Variants in FHIT observed in about 807,000 individuals in gnomAD.
FHIT encodes fragile histidine triad diadenosine triphosphatase, also known as bis(5'-adenosyl)-triphosphatase.
Under a neutral mutation model 17.9 loss-of-function variants are expected in FHIT, and 19 were observed. The ratio of observed to expected loss-of-function variants is 1.06; its 90% CI spans 0.74 to 1.56. The LOEUF (loss-of-function observed/expected upper bound fraction) is 1.56, where lower values mean the gene tolerates loss of function less well. Among genes scored for constraint, FHIT ranks in the 40% most tolerant of loss-of-function variants. The probability of loss-of-function intolerance (pLI) is 0.00; values close to 1 mark genes in which losing one functional copy is unlikely to be tolerated. For synonymous variants in FHIT, 81 were observed against 69.7 expected (o/e 1.16, Z -0.81); for missense variants, 248 against 189.2 (o/e 1.31, Z -1.82).
At chr3:61,124,372 C>CTAA (rs988039185) in intron 2 of FHIT, among the ~76,000 whole-genome samples, 6 of 152,124 alleles carry the variant, frequency 3.9e-5, no homozygotes, top group Non-Finnish European at 7.4e-5. Flanking sequence ...CCTCCATTAA[C>CTAA]GGAGGGCAGT....
chr3:60,781,345 G>A (rs1225505093), intron 4 of FHIT, among the ~76,000 whole-genome samples: 1 of 152,050 alleles, frequency 6.6e-6, no homozygotes, highest in African/African-American at 2.4e-5. Context: ...AAAACTAGAA[G>A]ACTATTTCTG....
chr3:60,190,370 A>C (rs1177638400), intron 5 of FHIT, among the ~76,000 whole-genome samples: 3 of 152,094 alleles, frequency 2.0e-5, no homozygotes, highest in East Asian at 1.9e-4. Flanking sequence ...AAAAAAAAAG[A>C]AAAACTAAAA....
chr3:60,779,043 G>A (rs531333128), intron 4 of FHIT, among the ~76,000 whole-genome samples: 73 of 152,282 alleles, frequency 4.8e-4, no homozygotes, highest in South Asian at 1.9e-3. Context: ...GCTTTAAAAG[G>A]TCTTATCTGT....
intron 2 of FHIT, among the ~76,000 whole-genome samples, chr3:61,115,204 A>G (rs573277636): frequency 4.6e-5 from 7 of 152,332 alleles, no homozygotes; most frequent in East Asian, 1.9e-4. Context: ...AAATGGTGCC[A>G]TTGTGTATAA....
intron 5 of FHIT, among the ~76,000 whole-genome samples, chr3:60,423,161 T>C (rs1417670636): frequency 2.6e-5 from 4 of 152,186 alleles, no homozygotes; most frequent in African/African-American, 7.2e-5. Flanking sequence ...TTAAGCACTA[T>C]AGATGGTAGA....
chr3:59,759,550 G>A (rs963191730), intron 8 of FHIT, among the ~76,000 whole-genome samples: 3 of 152,106 alleles, frequency 2.0e-5, no homozygotes, highest in African/African-American at 7.2e-5. Flanking sequence ...AGATTGCTCT[G>A]AACTAGTGTG....
chr3:61,012,893 CTG>C (rs1034595441), intron 3 of FHIT, among the ~76,000 whole-genome samples: 14 of 151,698 alleles, frequency 9.2e-5, no homozygotes, highest in Non-Finnish European at 2.1e-4. Flanking sequence ...TGATAAAATT[CTG>C]TGAGACAAAT....
intron 5 of FHIT, among the ~76,000 whole-genome samples, chr3:60,140,365 A>G (rs1199294859): frequency 6.6e-6 from 1 of 152,126 alleles, no homozygotes; most frequent in Non-Finnish European, 1.5e-5. Context: ...AGTTTGGCAC[A>G]TGACATGGCT....
chr3:60,510,513 G>C (rs1020773264), intron 5 of FHIT, among the ~76,000 whole-genome samples: 10 of 151,964 alleles, frequency 6.6e-5, no homozygotes, highest in Non-Finnish European at 1.5e-5. Flanking sequence ...CTCATTTTTT[G>C]TGAAGCTAGT....
chr3:60,418,952 C>T (rs1235646773), intron 5 of FHIT, among the ~76,000 whole-genome samples: 4 of 152,138 alleles, frequency 2.6e-5, no homozygotes, highest in Non-Finnish European at 5.9e-5. Context: ...TATAGAATTA[C>T]AAGGTCTTAC....
rs17061447 is a variant in FHIT at position 59,911,481 on chromosome 3, A to G, written c.348+10865T>C. Among the ~76,000 whole-genome samples, 351 of 152,272 alleles carry G rather than the reference A, an allele frequency of 2.3e-3. 3 individuals carry two copies. Among genetic ancestry groups the G allele is most frequent in the African/African-American group, 8.2e-3 (342 of 41,556 alleles). On this transcript the variant is annotated intron_variant, in intron 8 of 9. Transcript: ENST00000492590. ...GGTGGGCCTTTTAGGGGAGCAATTTATCAAGCTAATTTTCAGGGAGATTCC... is the reference window on the plus strand; with the variant it reads ...GGTGGGCCTTTTAGGGGAGCAATTTGTCAAGCTAATTTTCAGGGAGATTCC...
chr3:59,922,555 C>T (rs17061478), intron 7 of FHIT, 141 bp from the exon 8 acceptor site: 71,857 of 673,142 alleles, frequency 0.11, 4,831 homozygotes, highest in African/African-American at 0.26. Context: ...TATCCACCTT[C>T]GGTAACTATA....
chr3:60,567,427 C>T (rs2037179196), intron 4 of FHIT, among the ~76,000 whole-genome samples: 1 of 152,152 alleles, frequency 6.6e-6, no homozygotes, highest in African/African-American at 2.4e-5. Context: ...AACTGGATCC[C>T]TTCCTTACAC....
At chr3:61,124,339 G>A (rs929144064) in intron 2 of FHIT, among the ~76,000 whole-genome samples, 12 of 152,156 alleles carry the variant, frequency 7.9e-5, no homozygotes, top group African/African-American at 1.7e-4. Flanking sequence ...TTGAATGCCC[G>A]AACTCTGCTC....
rs1208129393 is a variant in FHIT at position 61,205,670 on chromosome 3, T to C, written c.-212-5005A>G. Among the ~76,000 whole-genome samples the C allele has an allele frequency of 2.6e-5, 4 of 152,208 alleles. 1 individual carries two copies. Among genetic ancestry groups the C allele is most frequent in the Middle Eastern group, 6.3e-3 (2 of 316 alleles). Reference sequence around the variant, plus strand: ...CTTTTCCCACTTTTTGATGGGGTTGTTTTTGTCTTGTAAATTTATTTGAGT... The same window carrying C: ...CTTTTCCCACTTTTTGATGGGGTTGCTTTTGTCTTGTAAATTTATTTGAGT... On this transcript the variant is annotated intron_variant, in intron 1 of 9. Coordinates refer to ENST00000492590, the MANE Select transcript of FHIT (RefSeq NM_002012.4).
chr3:61,174,225 C>T (rs2038092448), intron 2 of FHIT, among the ~76,000 whole-genome samples: 1 of 152,150 alleles, frequency 6.6e-6, no homozygotes, highest in Non-Finnish European at 1.5e-5. Flanking sequence ...GATTAGGAAA[C>T]TCAAGATCTT....
At chr3:60,265,185 T>C (rs1174663551) in intron 5 of FHIT, among the ~76,000 whole-genome samples, 3 of 151,958 alleles carry the variant, frequency 2.0e-5, no homozygotes, top group African/African-American at 4.8e-5. Context: ...ACCAAGTTTT[T>C]CCCAACATTT....
intron 4 of FHIT, among the ~76,000 whole-genome samples, chr3:60,624,905 T>TTTTG (rs1553680350): frequency 4.7e-5 from 7 of 150,344 alleles, no homozygotes; most frequent in South Asian, 4.2e-4. Flanking sequence ...GTTTTTTTTT[T>TTTTG]TGTTTGTTTG....
chr3:60,687,421 A>G (rs1303598268), intron 4 of FHIT, among the ~76,000 whole-genome samples: 2 of 152,094 alleles, frequency 1.3e-5, no homozygotes, highest in Non-Finnish European at 2.9e-5. Flanking sequence ...GAGTTTTTAG[A>G]AAAAAATTTG....
Sources: gnomAD v4.1 joint callset for allele counts (sites outside exome capture counted in the v4.1 genomes callset) on GRCh38, gnomAD v4.1.1 for gene constraint, MANE v1.5 for transcripts, NCBI Gene and HGNC (gene_info 2026-07-23, HGNC 2026-07-21) for gene names.